The following COL4A2 variants were observed in gnomAD, a reference collection of about 807,000 sequenced individuals.
The protein encoded by COL4A2 is collagen alpha-2(IV) chain.
COL4A2 carries 99 observed loss-of-function variants against 200.2 expected under a neutral mutation model. That is an observed-to-expected ratio of 0.49 (90% CI 0.42 to 0.58). COL4A2 has a LOEUF of 0.58. Ranked by LOEUF, COL4A2 falls within the 20% of genes least tolerant of loss-of-function variation. The pLI, the probability that COL4A2 is intolerant of heterozygous loss-of-function variation, is 0.00. For missense variants in COL4A2, 1,950 were observed against 2,314.1 expected, an observed-to-expected ratio of 0.84 and a Z score of 3.23; for synonymous variants, 897 against 900.6, an observed-to-expected ratio of 1.00 and a Z score of 0.07.
Position 110,450,288 on chromosome 13 carries a change from A to G in COL4A2, c.1190-17A>G, listed in dbSNP as rs372633566. ...TATGGGAGACTCACGCTGCAGGTGA[A>G]TGCTGTTTGGTTTCAGATCAGAGGA... On this transcript the variant is annotated splice_polypyrimidine_tract_variant and intron_variant, in intron 19 of 47. Coordinates refer to ENST00000360467, the MANE Select transcript of COL4A2 (RefSeq NM_001846.4). The G allele has an allele frequency of 6.2e-7, 1 of 1,611,002 alleles. No homozygotes were observed. The highest frequency in any genetic ancestry group is 1.7e-5 in the Admixed American group (1 of 59,982).
chr13:110,372,621 G>A (rs1878062719), intron 4 of COL4A2, among the ~76,000 whole-genome samples: 1 of 152,134 alleles, frequency 6.6e-6, no homozygotes. Flanking sequence ...CTCTTCTCCT[G>A]TTGCCAAGAG....
rs535284636 is a variant in COL4A2 at position 110,499,762 on chromosome 13, C to T, written c.3761-1906C>T. Among the ~76,000 whole-genome samples, 392 of 152,322 alleles carry T rather than the reference C, an allele frequency of 2.6e-3. 2 individuals are homozygous for T. The highest frequency in any genetic ancestry group is 5.0e-3 in the Admixed American group (77 of 15,304). ...TTCCGTCTAGATTCCAGCAAACTGA[C>T]TCATGTTTGCTAAGTGTTCTCATTA... is the stretch of plus-strand genomic sequence containing the variant. On this transcript the variant is annotated intron_variant, in intron 40 of 47. Coordinates refer to ENST00000360467, the MANE Select transcript of COL4A2 (RefSeq NM_001846.4).
At chr13:110,450,535 C>G in intron 20 of COL4A2, 81 bp downstream of exon 20, 5 of 1,523,592 alleles carry the variant, frequency 3.3e-6, no homozygotes, top group Non-Finnish European at 4.5e-6. Flanking sequence ...ATTTGGGATT[C>G]TCTGCTAAAT....
chr13:110,389,985 C>G (rs963684782), intron 4 of COL4A2, among the ~76,000 whole-genome samples: 2 of 152,080 alleles, frequency 1.3e-5, no homozygotes, highest in African/African-American at 4.8e-5. Flanking sequence ...AAGTATAGTA[C>G]ACACTTGATG....
At chr13:110,324,570 G>A (rs11841291) in intron 3 of COL4A2, among the ~76,000 whole-genome samples, 11,769 of 152,220 alleles carry the variant, frequency 0.077, 1,513 homozygotes, top group African/African-American at 0.27. Context: ...AGCACTGCCC[G>A]AACGGATGCA....
In COL4A2 at chr13:110,409,325, T is replaced by C. The variant is rs977181587; in HGVS notation, c.181-15409T>C. Reference sequence around the variant, plus strand: ...AGGCTGTGACGGGTAAATCGCAATATGGATATTCCAACCGCAAAGAAAGCA... The same window carrying C: ...AGGCTGTGACGGGTAAATCGCAATACGGATATTCCAACCGCAAAGAAAGCA... On this transcript the variant is annotated intron_variant, in intron 4 of 47. Transcript: ENST00000360467. 1.5e-4 allele frequency among the ~76,000 whole-genome samples: 23 copies of C among 152,208 alleles called. 1 individual carries two copies. Among genetic ancestry groups the C allele is most frequent in the Admixed American group, 1.3e-3 (20 of 15,284 alleles).
chr13:110,418,216 G>T (rs558150912), intron 4 of COL4A2, among the ~76,000 whole-genome samples: 3 of 152,246 alleles, frequency 2.0e-5, no homozygotes, highest in African/African-American at 4.8e-5. Flanking sequence ...TTTGCAGTTG[G>T]ATTGTTCATA....
At chr13:110,336,673 G>C (rs1184607261) in intron 3 of COL4A2, among the ~76,000 whole-genome samples, 2 of 152,176 alleles carry the variant, frequency 1.3e-5, no homozygotes, top group Non-Finnish European at 2.9e-5. Context: ...GCAGGACATG[G>C]ACCTCAGGGG....
chr13:110,472,649 A>C (rs1882523622), intron 28 of COL4A2, among the ~76,000 whole-genome samples: 1 of 152,146 alleles, frequency 6.6e-6, no homozygotes, highest in South Asian at 2.1e-4. Context: ...GAATTATGCA[A>C]ATCGAGGTCC....
chr13:110,321,364 T>C lies in COL4A2; in HGVS notation c.99+13241T>C, dbSNP rs1158122818. On this transcript the variant is annotated intron_variant, in intron 3 of 47. Transcript: ENST00000360467. The stretch of plus-strand genomic sequence containing the variant: ...TAAAATTTACCATTGTACCCATGTT[T>C]AAATGACAGTTCAGTGGCATTAAAC... Among the ~76,000 whole-genome samples the C allele has an allele frequency of 2.0e-5, 3 of 152,218 alleles. No individual in the cohort carries two copies. In the East Asian group the frequency reaches 5.8e-4, roughly 29 times the overall value.
In COL4A2 at chr13:110,478,021, G is replaced by A; in HGVS notation, c.2444G>A (p.Gly815Glu). Residue 815 changes from glycine (G) to glutamate (E), a missense_variant, in exon 30 of 48, where the codon GGG (glycine) becomes GAG (glutamate). By Grantham distance (98) the Gly-to-Glu change is moderately conservative. Transcript: ENST00000360467. ...CCTGCAGGAAGCCAAGGGATGCCTGGGATGCCAGGGCTGAAGGGCCAGCCA... is the reference window on the plus strand; with the variant it reads ...CCTGCAGGAAGCCAAGGGATGCCTGAGATGCCAGGGCTGAAGGGCCAGCCA... ...PGFRGSQGMP[G>E]MPGLKGQPGL... is the part of the protein sequence containing the mutation. 6.4e-7 allele frequency: 1 copy of A among 1,573,920 alleles called. No individual in the cohort carries two copies. The highest frequency in any genetic ancestry group is 8.6e-7 in the Non-Finnish European group (1 of 1,156,494).
chr13:110,311,018 G>A (rs1405975035), intron 3 of COL4A2, among the ~76,000 whole-genome samples: 2 of 152,166 alleles, frequency 1.3e-5, no homozygotes, highest in Non-Finnish European at 2.9e-5. Context: ...GGCCGGGAGG[G>A]CACTCCTGAG....
chr13:110,401,769 G>T (rs913165571), intron 4 of COL4A2, among the ~76,000 whole-genome samples: 9 of 152,194 alleles, frequency 5.9e-5, no homozygotes, highest in Admixed American at 1.3e-4. Context: ...ATAAATGACA[G>T]AAATTTATTT....
chr13:110,325,748 G>C (rs1023338228), intron 3 of COL4A2, among the ~76,000 whole-genome samples: 1 of 152,050 alleles, frequency 6.6e-6, no homozygotes, highest in Admixed American at 6.6e-5. Context: ...AGGAGAAACA[G>C]GCACTTCCTG....
At chr13:110,309,840 A>C (rs983207643) in intron 3 of COL4A2, among the ~76,000 whole-genome samples, 1 of 152,084 alleles carries the variant, frequency 6.6e-6, no homozygotes, top group Admixed American at 6.6e-5. Flanking sequence ...AATACAAAAA[A>C]ATCAGCCGGG....
intron 16 of COL4A2, 43 bp from the exon 17 acceptor site, chr13:110,445,786 A>G: frequency 6.2e-7 from 1 of 1,611,516 alleles, no homozygotes; most frequent in South Asian, 1.1e-5. Flanking sequence ...TTTTGGAGTT[A>G]TACATCAGAG....
intron 3 of COL4A2, among the ~76,000 whole-genome samples, chr13:110,357,053 CGCGCCCA>C (rs1219129991): frequency 4.6e-5 from 7 of 152,118 alleles, no homozygotes; most frequent in Admixed American, 1.3e-4. Flanking sequence ...CGTGAGCGAC[CGCGCCCA>C]GCCTAGTGAG....
At chr13:110,324,685 GAGC>G (rs1226127865) in intron 3 of COL4A2, among the ~76,000 whole-genome samples, 1 of 152,210 alleles carries the variant, frequency 6.6e-6, no homozygotes, top group Non-Finnish European at 1.5e-5. Flanking sequence ...GTGCCACAGT[GAGC>G]AGCAGGTCCT....
chr13:110,426,456 G>T (rs376554607), intron 6 of COL4A2, among the ~76,000 whole-genome samples: 7 of 152,302 alleles, frequency 4.6e-5, no homozygotes, highest in African/African-American at 1.7e-4. Flanking sequence ...GCAGAACTCT[G>T]ATACTACAAA....
Sources: gnomAD v4.1 joint callset for allele counts (sites outside exome capture counted in the v4.1 genomes callset) on GRCh38, gnomAD v4.1.1 for gene constraint, MANE v1.5 for transcripts, NCBI Gene and HGNC (gene_info 2026-07-23, HGNC 2026-07-21) for gene names.